Variants in ZNF519 observed in about 807,000 individuals in gnomAD.
The protein encoded by ZNF519 is zinc finger protein 519, also known as similar to Zinc finger protein 85 (Zinc finger protein HPF4) (HTF1).
In ZNF519, 7 loss-of-function variants were observed where a neutral mutation model predicts 7.4. The observed-to-expected ratio is 0.94, with a 90% CI of 0.54 to 1.77. The LOEUF (loss-of-function observed/expected upper bound fraction) is 1.77. ZNF519 is among the 40% of genes most tolerant of loss of function. The probability of loss-of-function intolerance (pLI) is 0.00; values close to 1 mark genes in which losing one functional copy is unlikely to be tolerated. For missense variants in ZNF519, 586 were observed against 623.1 expected, an observed-to-expected ratio of 0.94 and a Z score of 0.63; for synonymous variants, 179 against 203.3, an observed-to-expected ratio of 0.88 and a Z score of 1.02.
downstream of ZNF519, among the ~76,000 whole-genome samples, chr18:14,096,516 TTTTTA>T (rs1424081340): frequency 5.9e-5 from 9 of 152,122 alleles, no homozygotes; most frequent in African/African-American, 1.9e-4. Flanking sequence ...ACTTTTTAAA[TTTTTA>T]TTTTATTTTT....
intron 2 of ZNF519, among the ~76,000 whole-genome samples, chr18:14,114,048 T>C (rs1388975619): frequency 4.6e-5 from 7 of 152,180 alleles, no homozygotes; most frequent in Admixed American, 4.6e-4. Context: ...ATTTTTTTTC[T>C]GATGGGCCAT....
rs1256857489 is a variant in ZNF519, at chr18:14,101,111, C to G, written c.*3806G>C. 1 of 152,840 alleles carries G rather than the reference C, an allele frequency of 6.5e-6. No individual in the cohort carries two copies. The highest frequency in any genetic ancestry group is 2.4e-5 in the African/African-American group (1 of 41,456). 9.5% of individuals were successfully genotyped at this position (152,840 alleles called of 1,614,324 possible). ...ACAGATAATAGGTGGCTGAGTCCCC[C>G]TTGTGCTGTGGAGGGATGGAGCACT... On this transcript the variant is annotated 3_prime_UTR_variant, in exon 3 of 3. Transcript: ENST00000590202.
In ZNF519 at chr18:14,103,719, A is replaced by G. The variant is rs1446556135; in HGVS notation, c.*1198T>C. Reference sequence around the variant, plus strand: ...TCCAAACTATTTGGAGTTTAATACCACTAAGGGTAAAAAAATGCTAAAGAC... The same window carrying G: ...TCCAAACTATTTGGAGTTTAATACCGCTAAGGGTAAAAAAATGCTAAAGAC... On this transcript the variant is annotated 3_prime_UTR_variant, in exon 3 of 3. Transcript: ENST00000590202. 1 of 152,118 alleles carries G rather than the reference A, an allele frequency of 6.6e-6. No individual in the cohort carries two copies. The highest frequency in any genetic ancestry group is 1.5e-5 in the Non-Finnish European group (1 of 67,984). 9.4% of individuals were successfully genotyped at this position (152,118 alleles called of 1,614,324 possible).
intron 3 of ZNF519, among the ~76,000 whole-genome samples, chr18:14,081,797 C>T (rs1019436253): frequency 1.3e-5 from 2 of 152,000 alleles, no homozygotes; most frequent in South Asian, 2.1e-4. Flanking sequence ...AAGAGAAAAT[C>T]GAATTAATCC....
At chr18:14,087,357 G>T (rs972888825) in intron 2 of ZNF519, among the ~76,000 whole-genome samples, 2 of 152,140 alleles carry the variant, frequency 1.3e-5, no homozygotes, top group African/African-American at 2.4e-5. Context: ...GTAAGAAAAA[G>T]AAATAAAAGG....
chr18:14,122,337 T>C (rs1194904059), intron 2 of ZNF519: 1 of 152,174 alleles, frequency 6.6e-6, no homozygotes, highest in East Asian at 1.9e-4. Context: ...TCTACAGGAT[T>C]AAAAATTATT....
Position 14,101,519 on chromosome 18 carries a change from AAC to A in ZNF519, c.*3396_*3397del, listed in dbSNP as rs1435388327. 5 of 396,722 alleles carry A rather than the reference AAC, an allele frequency of 1.3e-5. No homozygotes were observed. Among genetic ancestry groups the A allele is most frequent in the Non-Finnish European group, 2.2e-5 (5 of 225,482 alleles). The allele number at this position is 396,722 out of a possible 1,614,324, so 24.6% of individuals were successfully genotyped here. A position where few individuals can be genotyped will look rare whatever the true frequency, so the allele number is the denominator to read the frequency against. On this transcript the variant is annotated 3_prime_UTR_variant, in exon 3 of 3. Coordinates refer to ENST00000590202, the MANE Select transcript of ZNF519 (RefSeq NM_145287.4). ...TGAAATGGTGGGGCTGAAGGAAGGA[AAC>A]AGACTCAGGGTCCCTTGGATTAAAA...
chr18:14,095,700 A>G (rs1277642283), downstream of ZNF519, among the ~76,000 whole-genome samples: 2 of 152,190 alleles, frequency 1.3e-5, no homozygotes, highest in Non-Finnish European at 2.9e-5. Context: ...GTTCTGGCCA[A>G]TGTTGGGTTT....
chr18:14,073,670 C>T (rs1328802123), downstream of ZNF519: 5 of 152,166 alleles, frequency 3.3e-5, no homozygotes, highest in Non-Finnish European at 7.3e-5. Context: ...TATAAGAAAC[C>T]TGTATCATGA....
chr18:14,104,848 T>C lies in ZNF519; in HGVS notation c.*69A>G. ...TATGGGATTTCTATCCAGTATTGAT[T>C]TTCTAATGTTGAGTAAGGTGTGAGC... On this transcript the variant is annotated 3_prime_UTR_variant, in exon 3 of 3. Transcript: ENST00000590202. 1 of 1,424,086 alleles carries C rather than the reference T, an allele frequency of 7.0e-7. No homozygotes were observed. Among genetic ancestry groups the C allele is most frequent in the East Asian group, 2.3e-5 (1 of 43,250 alleles). The allele number at this position is 1,424,086 out of a possible 1,614,324, so 88.2% of individuals were successfully genotyped here.
At chr18:14,095,031 GGT>G (rs773929780), downstream of ZNF519, among the ~76,000 whole-genome samples, 3 of 152,016 alleles carry the variant, frequency 2.0e-5, no homozygotes, top group Non-Finnish European at 4.4e-5. Context: ...GTCACTTTAG[GGT>G]CAGTCCCTGG....
chr18:14,082,793 T>C (rs753253367), intron 3 of ZNF519: 2 of 151,898 alleles, frequency 1.3e-5, no homozygotes, highest in African/African-American at 2.4e-5. Flanking sequence ...GCTCAAGCCA[T>C]CCTCCTCTAT....
At chr18:14,128,780 T>A (rs1005003687) in intron 1 of ZNF519, among the ~76,000 whole-genome samples, 1 of 151,302 alleles carries the variant, frequency 6.6e-6, no homozygotes, top group African/African-American at 2.4e-5. Flanking sequence ...TTCAAAGAAG[T>A]AGAGAAAGGT....
chr18:14,115,033 T>C (rs1231190441), intron 2 of ZNF519, among the ~76,000 whole-genome samples: 2 of 152,234 alleles, frequency 1.3e-5, no homozygotes, highest in Non-Finnish European at 2.9e-5. Flanking sequence ...TCTTCATAGA[T>C]ATATGCACTT....
In ZNF519 at chr18:14,116,623, T is replaced by C. The variant is rs562928883; in HGVS notation, c.130+7727A>G. Among the ~76,000 whole-genome samples the C allele has an allele frequency of 1.7e-3, 264 of 152,312 alleles. 3 individuals are homozygous for C. Among genetic ancestry groups the C allele is most frequent in the African/African-American group, 6.1e-3 (254 of 41,540 alleles). On this transcript the variant is annotated intron_variant, in intron 2 of 2. Transcript: ENST00000590202. ...TATATCCACATGGGAAAAATTGAGG[T>C]TGGATCCTTCCCCTAAACCATACAC...
chr18:14,108,420 C>G (rs770604626), intron 2 of ZNF519, among the ~76,000 whole-genome samples: 4 of 152,112 alleles, frequency 2.6e-5, no homozygotes, highest in Non-Finnish European at 4.4e-5. Flanking sequence ...AGCATGCATT[C>G]CCCCATTCTA....
chr18:14,072,558 T>C (rs572921970), downstream of ZNF519: 57 of 152,286 alleles, frequency 3.7e-4, no homozygotes, highest in African/African-American at 1.4e-3. Context: ...TGGGATTCAA[T>C]GGGAATCCCC....
chr18:14,093,476 C>G (rs2046122305), intron 2 of ZNF519, among the ~76,000 whole-genome samples: 1 of 152,184 alleles, frequency 6.6e-6, no homozygotes, highest in Non-Finnish European at 1.5e-5. Flanking sequence ...TACTCATATG[C>G]ATCTACATAC....
At chr18:14,127,675 C>A (rs2046307508) in intron 1 of ZNF519, among the ~76,000 whole-genome samples, 1 of 152,036 alleles carries the variant, frequency 6.6e-6, no homozygotes, top group Non-Finnish European at 1.5e-5. Flanking sequence ...GGTTTATGGG[C>A]CCCATGATCT....
Sources: allele counts gnomAD v4.1 joint callset (sites outside exome capture counted in the v4.1 genomes callset), GRCh38; gene constraint gnomAD v4.1.1; transcripts MANE v1.5; gene names NCBI Gene and HGNC (gene_info 2026-07-23, HGNC 2026-07-21).